The following MAP4 variants were observed in gnomAD, a reference collection of about 807,000 sequenced individuals.
MAP4 encodes the protein microtubule associated protein 4, also known as microtubule-associated protein 4.
A neutral mutation model predicts 170.2 loss-of-function variants in MAP4; 76 were observed. The ratio of observed to expected loss-of-function variants is 0.45; its 90% CI spans 0.37 to 0.54. The LOEUF is 0.54. Among genes scored for constraint, MAP4 ranks in the 20% least tolerant of loss-of-function variants. The pLI, the probability that MAP4 is intolerant of heterozygous loss-of-function variation, is 0.00. For synonymous variants in MAP4, 909 were observed against 994.5 expected (o/e 0.91, Z 1.62); for missense variants, 2,506 against 2,748.0 (o/e 0.91, Z 1.97).
At chr3:47,928,489 C>A in intron 3 of MAP4, 139 bp from the exon 4 acceptor site, 2 of 800,742 alleles carry the variant, frequency 2.5e-6, no homozygotes, top group Non-Finnish European at 3.9e-6. Context: ...AAACTTTTTT[C>A]TTTTAATTGA....
chr3:47,977,838 A>G (rs764398147), intron 3 of MAP4, 27 bp downstream of exon 3: 1 of 1,537,034 alleles, frequency 6.5e-7, no homozygotes, highest in Non-Finnish European at 9.0e-7. Context: ...TCACCTACAC[A>G]TTTGGGGAAT....
intron 1 of MAP4, among the ~76,000 whole-genome samples, chr3:48,063,334 G>A (rs920079950): frequency 3.3e-5 from 5 of 151,562 alleles, no homozygotes; most frequent in South Asian, 2.1e-4. Flanking sequence ...TACTCAGGAC[G>A]CTAAGCCAAG....
intron 3 of MAP4, among the ~76,000 whole-genome samples, chr3:47,941,786 CAAAAAA>C (rs35079131): frequency 3.2e-5 from 2 of 61,556 alleles, no homozygotes; most frequent in Non-Finnish European, 3.3e-5. Flanking sequence ...GACTCCGTCT[CAAAAAA>C]AAAAAAAAAA....
intron 7 of MAP4, among the ~76,000 whole-genome samples, chr3:47,915,374 CCAAAGTGCTGGGATTA>C (rs1164970683): frequency 1.3e-5 from 2 of 152,096 alleles, no homozygotes; most frequent in Non-Finnish European, 2.9e-5. Flanking sequence ...CCTCGGCCGC[CCAAAGTGCTGGGATTA>C]CAGGTGTGAG....
rs370610488 is a variant in MAP4, at chr3:47,870,919, G to T, written c.6188C>A (p.Pro2063His). ...PTSAKPSSTTPRLSRLATNTS... is the reference protein window; with the variant it reads ...PTSAKPSSTTHRLSRLATNTS... ...ATTGGTGGCCAGGCGGCTGAGCCGGGGGGTGGTGGAGCTGGGTTTGGCCGA... is the reference window on the plus strand; with the variant it reads ...ATTGGTGGCCAGGCGGCTGAGCCGGTGGGTGGTGGAGCTGGGTTTGGCCGA... The change falls in exon 15 of 21, where the codon CCC becomes CAC. Residue 2063 changes from proline (P) to histidine (H), a missense_variant. Pro to His is a moderately conservative substitution (Grantham distance 77, BLOSUM62 -2). Coordinates refer to ENST00000683076, the MANE Select transcript of MAP4 (RefSeq NM_001385682.1). The T allele has an allele frequency of 1.4e-4, 218 of 1,614,108 alleles. 1 individual carries two copies. Among genetic ancestry groups the T allele is most frequent in the South Asian group, 6.0e-4 (55 of 91,066 alleles).
At chr3:47,954,864 G>A (rs2100066725) in intron 3 of MAP4, among the ~76,000 whole-genome samples, 1 of 152,160 alleles carries the variant, frequency 6.6e-6, no homozygotes. Flanking sequence ...ACTTGGAACA[G>A]ACATACTTGA....
chr3:48,026,681 T>C (rs1295861860), intron 1 of MAP4, among the ~76,000 whole-genome samples: 1 of 152,180 alleles, frequency 6.6e-6, no homozygotes, highest in East Asian at 1.9e-4. Context: ...TTTCAGAAGT[T>C]TCTCAGATTT....
chr3:47,921,704 A>G (rs2100042943), intron 5 of MAP4, 61 bp downstream of exon 5: 8 of 901,160 alleles, frequency 8.9e-6, no homozygotes, highest in African/African-American at 3.3e-5. Context: ...TGAACCAAAG[A>G]TGAGTAAAGA....
chr3:48,067,479 GC>G (rs2100138889), intron 1 of MAP4, among the ~76,000 whole-genome samples: 1 of 152,044 alleles, frequency 6.6e-6, no homozygotes, highest in Non-Finnish European at 1.5e-5. Context: ...ACAGGCACAA[GC>G]CACAGTGCAC....
intron 3 of MAP4, among the ~76,000 whole-genome samples, chr3:47,940,796 A>G (rs148166768): frequency 2.6e-5 from 4 of 152,290 alleles, no homozygotes; most frequent in African/African-American, 9.6e-5. Flanking sequence ...AGAAACTACC[A>G]CTTGGCTAGG....
Position 47,918,649 on chromosome 3 carries a change from C to T in MAP4, c.652+70G>A, listed in dbSNP as rs567256407. ...ACCTGCTGTAAGCTGCTAAAAAATA[C>T]ACCTGATGATTTATATTGATTACCA... On this transcript the variant is annotated intron_variant, in intron 6 of 20. Transcript: ENST00000683076. The T allele has an allele frequency of 1.1e-3, 1,384 of 1,242,654 alleles. 3 individuals are homozygous for T. Among genetic ancestry groups the T allele is most frequent in the Non-Finnish European group, 1.5e-3 (1,257 of 857,196 alleles). 77.0% of individuals were successfully genotyped at this position (1,242,654 alleles called of 1,614,324 possible).
chr3:47,968,687 C>T (rs2154212807), intron 3 of MAP4, among the ~76,000 whole-genome samples: 1 of 151,444 alleles, frequency 6.6e-6, no homozygotes, highest in African/African-American at 2.4e-5. Context: ...CCAAAAGAAA[C>T]TAGAAAAATA....
At position 47,911,639 on chromosome 3, in the gene MAP4, G is replaced by C. The variant is rs941575663; in HGVS notation, c.2782C>G (p.Leu928Val). The C allele has an allele frequency of 1.0e-5, 16 of 1,536,066 alleles. No individual in the cohort carries two copies. Among genetic ancestry groups the C allele is most frequent in the Non-Finnish European group, 1.4e-5 (16 of 1,146,872 alleles). ...SVGPLNLKGP[L>V]AEVSAYNVET... ...ACATTGTATGCAGAAACTTCTGCTAGGGGTCCTTTCAGATTGAGAGGGCCT... is the reference window on the plus strand; with the variant it reads ...ACATTGTATGCAGAAACTTCTGCTACGGGTCCTTTCAGATTGAGAGGGCCT... The change falls in exon 9 of 21, where the codon CTA becomes GTA. Residue 928 changes from leucine to valine, a missense_variant. This residue lies in a region of MAP4 where 2,008 missense variants were observed against 2,206.0 expected (regional missense o/e 0.91). Coordinates refer to ENST00000683076, the MANE Select transcript of MAP4 (RefSeq NM_001385682.1). The surrounding 1 kb of genome is among the most constrained non-coding windows in gnomAD (Gnocchi z 4.0).
chr3:47,944,948 C>A (rs1034527896), intron 3 of MAP4, among the ~76,000 whole-genome samples: 4 of 146,552 alleles, frequency 2.7e-5, no homozygotes, highest in Non-Finnish European at 4.5e-5. Context: ...TAAAAAGGAA[C>A]CTTTTTTTTT....
chr3:47,892,465 G>C (rs928208569), intron 10 of MAP4: 2 of 1,533,656 alleles, frequency 1.3e-6, no homozygotes, highest in African/African-American at 2.7e-5. Context: ...CAGTGAGAGA[G>C]GCTGTCTGCT....
At chr3:47,994,541 G>C (rs1204773255) in intron 2 of MAP4, among the ~76,000 whole-genome samples, 1 of 152,218 alleles carries the variant, frequency 6.6e-6, no homozygotes, top group African/African-American at 2.4e-5. Context: ...TGAGGTGGTA[G>C]CAGTAGATTT....
intron 2 of MAP4, among the ~76,000 whole-genome samples, chr3:47,981,544 T>G (rs969133737): frequency 1.6e-4 from 25 of 152,054 alleles, no homozygotes; most frequent in African/African-American, 5.3e-4. Flanking sequence ...CTGAGGCAGG[T>G]GGATCACTTG....
At chr3:48,055,894 A>C (rs1408685603) in intron 1 of MAP4, among the ~76,000 whole-genome samples, 2 of 56,792 alleles carry the variant, frequency 3.5e-5, no homozygotes, top group Non-Finnish European at 4.5e-5. Flanking sequence ...TGCCCGGCCG[A>C]GACCCCGTCT....
chr3:47,863,921 G>GGTGTGT (rs747894391), intron 17 of MAP4, among the ~76,000 whole-genome samples: 11 of 110,874 alleles, frequency 9.9e-5, no homozygotes, highest in South Asian at 2.8e-4. Context: ...TGTGGGTGTG[G>GGTGTGT]GTGTGTGTGT....
Sources: allele counts gnomAD v4.1 joint callset (sites outside exome capture counted in the v4.1 genomes callset), GRCh38; gene constraint gnomAD v4.1.1; regional missense constraint gnomAD v4.1.1; non-coding constraint Gnocchi (gnomAD v3.1); transcripts MANE v1.5; gene names NCBI Gene and HGNC (gene_info 2026-07-23, HGNC 2026-07-21).